Variants in DSCAML1 observed in about 807,000 individuals in gnomAD.
The protein encoded by DSCAML1 is DS cell adhesion molecule like 1.
Under a neutral mutation model 200.5 loss-of-function variants are expected in DSCAML1, and 38 were observed. The observed-to-expected ratio is 0.19, with a 90% CI of 0.15 to 0.25. The LOEUF (loss-of-function observed/expected upper bound fraction) is 0.25. Ranked by LOEUF, DSCAML1 falls within the 10% of genes least tolerant of loss-of-function variation. The probability of loss-of-function intolerance (pLI) is 1.00; values close to 1 mark genes in which losing one functional copy is unlikely to be tolerated. For missense variants in DSCAML1, 2,223 were observed against 2,858.8 expected (o/e 0.78, Z 5.07); for synonymous variants, 1,215 against 1,165.0 (o/e 1.04, Z -0.87).
intron 1 of DSCAML1, among the ~76,000 whole-genome samples, chr11:117,806,112 A>G (rs2055705230): frequency 6.6e-6 from 1 of 152,156 alleles, no homozygotes; most frequent in African/African-American, 2.4e-5. Flanking sequence ...CAGGTCTTTG[A>G]TGACTGTTTG....
intron 11 of DSCAML1, among the ~76,000 whole-genome samples, chr11:117,501,997 T>C (rs960620717): frequency 6.6e-6 from 1 of 152,130 alleles, no homozygotes; most frequent in Non-Finnish European, 1.5e-5. Flanking sequence ...CCAGCGTGTG[T>C]GTGGTGCGTG....
intron 3 of DSCAML1, among the ~76,000 whole-genome samples, chr11:117,630,108 C>T (rs2052138832): frequency 6.6e-6 from 1 of 152,162 alleles, no homozygotes. Context: ...CCTGCAGTGT[C>T]CCCATGGAGA....
chr11:117,484,424 C>A (rs1400299681), intron 11 of DSCAML1, among the ~76,000 whole-genome samples: 1 of 152,206 alleles, frequency 6.6e-6, no homozygotes, highest in Non-Finnish European at 1.5e-5. Context: ...CCCGCACCAG[C>A]CTCTCAGCAC....
chr11:117,778,744 A>G (rs1470870662), intron 2 of DSCAML1, among the ~76,000 whole-genome samples: 1 of 152,220 alleles, frequency 6.6e-6, no homozygotes, highest in Admixed American at 6.5e-5. Flanking sequence ...GACAGGAAAC[A>G]TGGTCCCTTC....
At chr11:117,763,875 C>G (rs2054848428) in intron 3 of DSCAML1, among the ~76,000 whole-genome samples, 1 of 152,260 alleles carries the variant, frequency 6.6e-6, no homozygotes. Context: ...AGGAGCTCAG[C>G]CTGCCAAAAC....
chr11:117,544,029 T>C (rs1484743386), intron 3 of DSCAML1, among the ~76,000 whole-genome samples: 2 of 151,928 alleles, frequency 1.3e-5, no homozygotes, highest in African/African-American at 4.8e-5. Context: ...CAATGGGGGA[T>C]ATGGAGTCAG....
chr11:117,458,919 A>C lies in DSCAML1; in HGVS notation c.3413-10T>G. On this transcript the variant is annotated splice_polypyrimidine_tract_variant and intron_variant, in intron 18 of 32. Coordinates refer to ENST00000651296, the MANE Select transcript of DSCAML1 (RefSeq NM_020693.4). The stretch of plus-strand genomic sequence containing the variant: ...TGCATCTCGCCCCACTCTGCCAGAG[A>C]CCAGCAAACTCTGAGGACCCAGCTC... 1 of 1,612,198 alleles carries C rather than the reference A, an allele frequency of 6.2e-7. No homozygotes were observed. Among genetic ancestry groups the C allele is most frequent in the Non-Finnish European group, 8.5e-7 (1 of 1,179,416 alleles).
intron 3 of DSCAML1, among the ~76,000 whole-genome samples, chr11:117,586,900 G>A (rs778318474): frequency 2.6e-5 from 4 of 152,204 alleles, no homozygotes; most frequent in Admixed American, 1.3e-4. Flanking sequence ...TCTGCACAGC[G>A]CTGAGGCCAA....
chr11:117,600,418 T>C (rs1052291792), intron 3 of DSCAML1, among the ~76,000 whole-genome samples: 6 of 152,182 alleles, frequency 3.9e-5, no homozygotes, highest in Admixed American at 2.6e-4. Flanking sequence ...CTCTGGATCA[T>C]GTCGGGGAGC....
intron 3 of DSCAML1, among the ~76,000 whole-genome samples, chr11:117,718,387 G>A (rs1248991698): frequency 2.0e-5 from 3 of 152,240 alleles, no homozygotes; most frequent in Admixed American, 6.5e-5. Flanking sequence ...TATGGGTGAT[G>A]TGTGCCGGGA....
intron 3 of DSCAML1, among the ~76,000 whole-genome samples, chr11:117,552,491 G>A (rs1485159519): frequency 6.6e-6 from 1 of 151,878 alleles, no homozygotes; most frequent in Non-Finnish European, 1.5e-5. Context: ...AAGTTAGAGG[G>A]CCCTTTTTGG....
intron 3 of DSCAML1, among the ~76,000 whole-genome samples, chr11:117,650,696 T>TGC (rs2137618594): frequency 7.0e-6 from 1 of 142,518 alleles, no homozygotes; most frequent in African/African-American, 2.5e-5. Flanking sequence ...TGTGTGTGTG[T>TGC]GTGTGCGTGT....
At chr11:117,541,361 C>T (rs971811797) in intron 3 of DSCAML1, among the ~76,000 whole-genome samples, 16 of 152,308 alleles carry the variant, frequency 1.1e-4, no homozygotes, top group African/African-American at 3.8e-4. Context: ...TTTGGTTCAC[C>T]CTGTATGCCA....
At chr11:117,616,753 A>G (rs1485381402) in intron 3 of DSCAML1, among the ~76,000 whole-genome samples, 4 of 152,214 alleles carry the variant, frequency 2.6e-5, no homozygotes, top group Non-Finnish European at 5.9e-5. Context: ...TTACTTTATG[A>G]AAAGTCAATA....
chr11:117,558,372 A>G (rs1228547078), intron 3 of DSCAML1, among the ~76,000 whole-genome samples: 1 of 152,236 alleles, frequency 6.6e-6, no homozygotes, highest in Non-Finnish European at 1.5e-5. Context: ...GCACCTTACT[A>G]GCCCTGAGAA....
chr11:117,458,576 A>G (rs1036051796), intron 19 of DSCAML1, among the ~76,000 whole-genome samples, 178 bp downstream of exon 19: 3 of 151,928 alleles, frequency 2.0e-5, no homozygotes, highest in African/African-American at 7.2e-5. Flanking sequence ...ACAGTTGCTT[A>G]TCTGCTCACG....
rs1273146727 is a variant in DSCAML1, at chr11:117,443,901, C to T, written c.3847G>A (p.Glu1283Lys). Residue 1283 changes from glutamate to lysine, a missense_variant, in exon 21 of 33, where the codon GAG becomes AAG. Glu to Lys is a moderately conservative substitution (Grantham distance 56, BLOSUM62 1). Transcript: ENST00000651296. ...RGNSSEKVTI[E>K]PAGKAPAKII... is the part of the protein sequence containing the mutation. ...GGCTTCTCACCCTTGCCAGCAGGCTCGATGGTCACCTTCTCGCTGCTGTTG... is the reference window on the plus strand; with the variant it reads ...GGCTTCTCACCCTTGCCAGCAGGCTTGATGGTCACCTTCTCGCTGCTGTTG... The T allele has an allele frequency of 3.1e-6, 5 of 1,607,196 alleles. No individual in the cohort carries two copies. Among genetic ancestry groups the T allele is most frequent in the Non-Finnish European group, 4.2e-6 (5 of 1,177,006 alleles).
chr11:117,535,373 C>G (rs2050147570), intron 3 of DSCAML1, among the ~76,000 whole-genome samples: 1 of 152,216 alleles, frequency 6.6e-6, no homozygotes, highest in Non-Finnish European at 1.5e-5. Flanking sequence ...CAGATGGGCA[C>G]TCGGCCATCT....
chr11:117,785,016 G>T (rs1432970103), intron 1 of DSCAML1, among the ~76,000 whole-genome samples: 1 of 152,140 alleles, frequency 6.6e-6, no homozygotes, highest in Admixed American at 6.5e-5. Context: ...ACTTCCTCTC[G>T]GCTGACTCCT....
Sources: allele counts gnomAD v4.1 joint callset (sites outside exome capture counted in the v4.1 genomes callset), GRCh38; gene constraint gnomAD v4.1.1; transcripts MANE v1.5; gene names NCBI Gene and HGNC (gene_info 2026-07-23, HGNC 2026-07-21).